CEP295: variants seen among roughly 807,000 people sequenced by gnomAD.
CEP295 encodes the protein centrosomal protein 295, also known as centrosomal protein of 295 kDa.
CEP295 carries 190 observed loss-of-function variants against 291.6 expected under a neutral mutation model. That is an observed-to-expected ratio of 0.65 (90% CI 0.58 to 0.73). The LOEUF (loss-of-function observed/expected upper bound fraction) is 0.73. Among genes scored for constraint, CEP295 ranks in the 30% least tolerant of loss-of-function variants. The pLI, the probability that CEP295 is intolerant of heterozygous loss-of-function variation, is 0.00. For missense variants in CEP295, 2,863 were observed against 2,949.4 expected (o/e 0.97, Z 0.68); for synonymous variants, 993 against 1,038.8 (o/e 0.96, Z 0.85).
intron 10 of CEP295, among the ~76,000 whole-genome samples, chr11:93,689,310 A>T (rs959024865): frequency 6.6e-6 from 1 of 152,134 alleles, no homozygotes; most frequent in African/African-American, 2.4e-5. Flanking sequence ...TGTGACCTGC[A>T]CACATACACC....
At chr11:93,716,728 A>C (rs1953276316) in intron 18 of CEP295, among the ~76,000 whole-genome samples, 1 of 152,218 alleles carries the variant, frequency 6.6e-6, no homozygotes, top group African/African-American at 2.4e-5. Flanking sequence ...CAGTTAATCA[A>C]ATTGTAACAA....
intron 18 of CEP295, chr11:93,719,767 T>C (rs748692769): frequency 1.6e-4 from 25 of 152,134 alleles, no homozygotes; most frequent in Non-Finnish European, 2.9e-4. Context: ...TTAAGAAATA[T>C]ACCTTTAATG....
rs147005383 is a variant in CEP295, at chr11:93,700,746, T to G, written c.5274+560T>G. ...CCACAAAACAATGTAGATTCTTATT[T>G]TAGAGTTTTGTTTTAATGTATTTTA... is the stretch of plus-strand genomic sequence containing the variant. On this transcript the variant is annotated intron_variant, in intron 15 of 29. Coordinates refer to ENST00000325212, the MANE Select transcript of CEP295 (RefSeq NM_033395.2). Among the ~76,000 whole-genome samples the G allele has an allele frequency of 1.1e-3, 172 of 152,274 alleles. 1 individual carries two copies. The highest frequency in any genetic ancestry group is 3.9e-3 in the African/African-American group (164 of 41,556).
intron 2 of CEP295, 138 bp from the exon 3 acceptor site, chr11:93,667,469 T>C (rs866716420): frequency 6.8e-5 from 42 of 621,484 alleles, no homozygotes; most frequent in Middle Eastern, 8.7e-4. Flanking sequence ...TTAAATAGTC[T>C]TTATCTAATA....
chr11:93,725,587 G>A lies in CEP295; in HGVS notation c.6319-64G>A, dbSNP rs575678816. ...AAGAGTAATACCAAAGGAACACAAT[G>A]ATTATTGTTTCAATTGTTAATACCT... On this transcript the variant is annotated intron_variant, in intron 22 of 29. Transcript: ENST00000325212. The A allele has an allele frequency of 8.9e-5, 114 of 1,287,708 alleles. No homozygotes were observed. In the African/African-American group the frequency reaches 1.7e-3, roughly 19 times the overall value. 79.8% of individuals were successfully genotyped at this position (1,287,708 alleles called of 1,614,324 possible).
chr11:93,715,835 T>A (rs938706253), intron 18 of CEP295, among the ~76,000 whole-genome samples: 1 of 152,096 alleles, frequency 6.6e-6, no homozygotes, highest in African/African-American at 2.4e-5. Flanking sequence ...CTTATTCTTC[T>A]GTGACTGAGT....
In CEP295 at chr11:93,703,575, GT is replaced by G. The variant is rs1022461721; in HGVS notation, c.5596+668del. Among the ~76,000 whole-genome samples, 1,326 of 142,644 alleles carry G rather than the reference GT, an allele frequency of 9.3e-3. 23 individuals are homozygous for G. The highest frequency in any genetic ancestry group is 0.052 in the East Asian group (257 of 4,912). 93.6% of individuals were successfully genotyped at this position (142,644 alleles called of 152,430 possible). A position where few individuals can be genotyped will look rare whatever the true frequency, so the allele number is the denominator to read the frequency against. ...TGTGTTTCTTTTAGGATACACTCAG[GT>G]TTTTTTTTTTTCTCTTTTCCTTTGT... On this transcript the variant is annotated intron_variant, in intron 17 of 29. Transcript: ENST00000325212.
intron 1 of CEP295, among the ~76,000 whole-genome samples, chr11:93,663,944 A>G (rs1302102611): frequency 6.6e-6 from 1 of 152,210 alleles, no homozygotes; most frequent in African/African-American, 2.4e-5. Context: ...ATAAATTTTC[A>G]GTACCCCAGC....
At chr11:93,707,578 G>A (rs1028914984) in intron 18 of CEP295, among the ~76,000 whole-genome samples, 6 of 152,002 alleles carry the variant, frequency 3.9e-5, no homozygotes, top group African/African-American at 1.5e-4. Context: ...GGCTAACACC[G>A]TGAAACCCTG....
intron 17 of CEP295, among the ~76,000 whole-genome samples, chr11:93,706,392 T>C (rs1198063855): frequency 6.6e-6 from 1 of 152,196 alleles, no homozygotes; most frequent in East Asian, 1.9e-4. Flanking sequence ...TATCATCCCC[T>C]GTCTTCTAAA....
At chr11:93,711,054 T>A (rs1952862133) in intron 18 of CEP295, among the ~76,000 whole-genome samples, 1 of 152,122 alleles carries the variant, frequency 6.6e-6, no homozygotes, top group African/African-American at 2.4e-5. Flanking sequence ...AAAACCAATT[T>A]TTGTTTTCTT....
intron 18 of CEP295, among the ~76,000 whole-genome samples, chr11:93,720,672 A>C (rs1344295028): frequency 6.6e-6 from 1 of 152,008 alleles, no homozygotes; most frequent in Non-Finnish European, 1.5e-5. Flanking sequence ...GGTTCATTAC[A>C]ACCTCCGCCT....
At chr11:93,681,914 G>T (rs1418302324) in intron 7 of CEP295, among the ~76,000 whole-genome samples, 1 of 151,522 alleles carries the variant, frequency 6.6e-6, no homozygotes, top group African/African-American at 2.4e-5. Context: ...TGTTTTGTGA[G>T]GATTCAATGA....
intron 18 of CEP295, among the ~76,000 whole-genome samples, chr11:93,712,624 A>G (rs951592030): frequency 6.6e-6 from 1 of 151,986 alleles, no homozygotes; most frequent in Non-Finnish European, 1.5e-5. Flanking sequence ...ATCTTTTTCA[A>G]TGTTTTTGTT....
At position 93,696,954 on chromosome 11, in the gene CEP295, A is replaced by G. The variant is rs1470504683; in HGVS notation, c.2042A>G (p.His681Arg). The G allele has an allele frequency of 2.8e-5, 43 of 1,551,840 alleles. No homozygotes were observed. Among genetic ancestry groups the G allele is most frequent in the Non-Finnish European group, 3.6e-5 (41 of 1,147,058 alleles). ...QDHFQVARQN[H>R]FPQRQVETTE... ...CATTTTCAGGTAGCGAGACAAAATC[A>G]CTTTCCACAAAGACAGGTGGAAACA... The change falls in exon 15 of 30, where the codon CAC becomes CGC. Residue 681 changes from histidine (H) to arginine (R), a missense_variant. Physicochemically the swap from His to Arg is conservative, Grantham distance 29 (BLOSUM62 0). Around this residue, in one of 3 missense-constraint regions of CEP295, gnomAD observed 2,295 missense variants for 2,335.7 expected, o/e 0.98. Coordinates refer to ENST00000325212, the MANE Select transcript of CEP295 (RefSeq NM_033395.2).
chr11:93,720,949 C>T (rs1394368788), intron 18 of CEP295, among the ~76,000 whole-genome samples: 1 of 152,102 alleles, frequency 6.6e-6, no homozygotes, highest in Non-Finnish European at 1.5e-5. Flanking sequence ...ATCTTTAGGA[C>T]CACACTGTGT....
chr11:93,718,454 G>C (rs1953433919), intron 18 of CEP295, among the ~76,000 whole-genome samples: 1 of 152,186 alleles, frequency 6.6e-6, no homozygotes, highest in Admixed American at 6.5e-5. Context: ...CATCCCAAAT[G>C]ACGACAGTTA....
At chr11:93,722,658 A>G (rs1268268520) in intron 20 of CEP295, 1 of 172,106 alleles carries the variant, frequency 5.8e-6, no homozygotes, top group Non-Finnish European at 1.2e-5. Flanking sequence ...AACAATATGT[A>G]TTACCATGCT....
intron 18 of CEP295, among the ~76,000 whole-genome samples, chr11:93,714,525 A>C (rs978333296): frequency 6.6e-6 from 1 of 152,236 alleles, no homozygotes; most frequent in Admixed American, 6.5e-5. Flanking sequence ...CTGGGATTAC[A>C]GGCGTGAGCC....
Sources: gnomAD v4.1 joint callset for allele counts (sites outside exome capture counted in the v4.1 genomes callset) on GRCh38, gnomAD v4.1.1 for gene constraint, gnomAD v4.1.1 regional missense constraint, MANE v1.5 for transcripts, NCBI Gene and HGNC (gene_info 2026-07-23, HGNC 2026-07-21) for gene names.